The following HMCN1 variants were observed in gnomAD, a reference collection of about 807,000 sequenced individuals.
HMCN1 encodes hemicentin 1.
HMCN1 carries 321 observed loss-of-function variants against 625.9 expected under a neutral mutation model. That is an observed-to-expected ratio of 0.51 (90% CI 0.47 to 0.56). HMCN1 has a LOEUF of 0.56. Ranked by LOEUF, HMCN1 falls within the 20% of genes least tolerant of loss-of-function variation. The pLI is 0.00. For synonymous variants in HMCN1, 2,425 were observed against 2,417.6 expected, an observed-to-expected ratio of 1.00 and a Z score of -0.09; for missense variants, 6,588 against 6,887.3, an observed-to-expected ratio of 0.96 and a Z score of 1.54.
intron 1 of HMCN1, among the ~76,000 whole-genome samples, chr1:185,821,641 C>CT (rs1384520484): frequency 2.8e-4 from 43 of 151,890 alleles, no homozygotes; most frequent in Non-Finnish European, 5.3e-4. Flanking sequence ...TCTGGCTCTG[C>CT]TTTTTTAGAC....
At chr1:185,927,405 T>C (rs1301442430) in intron 9 of HMCN1, among the ~76,000 whole-genome samples, 1 of 152,192 alleles carries the variant, frequency 6.6e-6, no homozygotes, top group African/African-American at 2.4e-5. Flanking sequence ...CACTGGCATG[T>C]AGTGCCTACA....
At chr1:185,944,641 A>C (rs1668245669) in intron 11 of HMCN1, among the ~76,000 whole-genome samples, 1 of 152,198 alleles carries the variant, frequency 6.6e-6, no homozygotes, top group Non-Finnish European at 1.5e-5. Flanking sequence ...CCTTTGACTT[A>C]AACTGTGGTA....
intron 1 of HMCN1, among the ~76,000 whole-genome samples, chr1:185,810,229 G>A (rs540302104): frequency 3.9e-4 from 59 of 152,210 alleles, no homozygotes; most frequent in African/African-American, 1.4e-3. Context: ...CCATTGATCA[G>A]TGAGTTCGTA....
At position 186,055,431 on chromosome 1, in the gene HMCN1, G is replaced by A; in HGVS notation, c.6901G>A (p.Glu2301Lys). The A allele has an allele frequency of 1.2e-6, 2 of 1,612,680 alleles. No individual in the cohort carries two copies. Among genetic ancestry groups the A allele is most frequent in the Non-Finnish European group, 1.7e-6 (2 of 1,179,146 alleles). ...TITNSGSHPT[E>K]IIVTRGKSIS... ...AACCAACAGTGGCAGCCACCCTACT[G>A]AAATTATTGTGACCCGAGGGAAGAG... The change falls in exon 45 of 107, where the codon GAA (glutamate) becomes AAA (lysine). Residue 2301 changes from glutamate to lysine, a missense_variant. By Grantham distance (56) the Glu-to-Lys change is moderately conservative. Coordinates refer to ENST00000271588, the MANE Select transcript of HMCN1 (RefSeq NM_031935.3).
At chr1:186,079,389 C>A (rs1176262868) in intron 55 of HMCN1, among the ~76,000 whole-genome samples, 3 of 152,184 alleles carry the variant, frequency 2.0e-5, no homozygotes, top group Non-Finnish European at 4.4e-5. Flanking sequence ...TCTCTGGGCA[C>A]ACGCAAGCCA....
chr1:185,747,170 A>G (rs988887379), intron 1 of HMCN1, among the ~76,000 whole-genome samples: 2 of 152,122 alleles, frequency 1.3e-5, no homozygotes, highest in Non-Finnish European at 2.9e-5. Flanking sequence ...TTCTGATCAA[A>G]ATATTTGCAT....
At chr1:185,876,687 G>C (rs998615544) in intron 4 of HMCN1, among the ~76,000 whole-genome samples, 8 of 151,812 alleles carry the variant, frequency 5.3e-5, no homozygotes, top group African/African-American at 1.9e-4. Flanking sequence ...TTTTTCATAT[G>C]TTTGTTGGCC....
At position 186,041,052 on chromosome 1, in the gene HMCN1, C is replaced by G. The variant is rs200822474; in HGVS notation, c.6220C>G (p.Gln2074Glu). 13 of 1,612,794 alleles carry G rather than the reference C, an allele frequency of 8.1e-6. No homozygotes were observed. The highest frequency in any genetic ancestry group is 1.1e-5 in the Non-Finnish European group (13 of 1,179,186). Residue 2074 changes from glutamine to glutamate, a missense_variant, in exon 40 of 107, where the codon CAA becomes GAA. By Grantham distance (29) the Gln-to-Glu change is conservative. Coordinates refer to ENST00000271588, the MANE Select transcript of HMCN1 (RefSeq NM_031935.3). ...GGRILALTSA[Q>E]ISDTGRYTCV... Reference sequence around the variant, plus strand: ...TCGAATCCTAGCATTGACCAGTGCACAAATCAGCGACACAGGAAGGTACAC... The same window carrying G: ...TCGAATCCTAGCATTGACCAGTGCAGAAATCAGCGACACAGGAAGGTACAC...
chr1:185,892,308 G>A (rs535237499), intron 4 of HMCN1, among the ~76,000 whole-genome samples: 4 of 151,922 alleles, frequency 2.6e-5, no homozygotes, highest in African/African-American at 4.9e-5. Context: ...TCTTCTCTCA[G>A]CTCATCAAAG....
At chr1:185,803,568 T>C (rs1658966004) in intron 1 of HMCN1, among the ~76,000 whole-genome samples, 1 of 152,078 alleles carries the variant, frequency 6.6e-6, no homozygotes, top group Non-Finnish European at 1.5e-5. Flanking sequence ...ACAAAAGATA[T>C]TCTTTCAACA....
chr1:186,058,198 C>T (rs1657469064), intron 46 of HMCN1, among the ~76,000 whole-genome samples: 1 of 151,922 alleles, frequency 6.6e-6, no homozygotes, highest in Non-Finnish European at 1.5e-5. Context: ...TTTATGATCT[C>T]TTTGCACTTA....
intron 1 of HMCN1, among the ~76,000 whole-genome samples, chr1:185,797,737 C>T (rs920462732): frequency 3.1e-5 from 4 of 128,354 alleles, no homozygotes; most frequent in African/African-American, 5.0e-5. Context: ...GAGGCCGAGG[C>T]GGGCGGATCA....
At position 186,087,412 on chromosome 1, in the gene HMCN1, A is replaced by C. The variant is rs752745962; in HGVS notation, c.9161-31A>C. ...TTCTATCTGAGCACCTTAATGAAAA[A>C]GAAAATCCTTCTGTTATTTTCTTCC... On this transcript the variant is annotated intron_variant, in intron 59 of 106. Coordinates refer to ENST00000271588, the MANE Select transcript of HMCN1 (RefSeq NM_031935.3). 10 of 1,610,364 alleles carry C rather than the reference A, an allele frequency of 6.2e-6. 1 individual carries two copies. Among genetic ancestry groups the C allele is most frequent in the Middle Eastern group, 1.7e-4 (1 of 6,046 alleles).
intron 1 of HMCN1, among the ~76,000 whole-genome samples, chr1:185,759,151 G>T (rs1655323113): frequency 6.6e-6 from 1 of 152,160 alleles, no homozygotes; most frequent in Admixed American, 6.5e-5. Flanking sequence ...TGCTGTCTGT[G>T]ATTATAAACA....
chr1:185,932,874 A>G (rs890555440), intron 10 of HMCN1, among the ~76,000 whole-genome samples: 2 of 152,310 alleles, frequency 1.3e-5, no homozygotes, highest in East Asian at 3.9e-4. Context: ...TAACTAGAGA[A>G]ACATGTGATT....
chr1:185,976,085 A>T (rs2101985454), intron 15 of HMCN1, among the ~76,000 whole-genome samples: 1 of 152,332 alleles, frequency 6.6e-6, no homozygotes. Flanking sequence ...GTCTAACAAC[A>T]GGTTGAATGT....
At chr1:186,103,700 G>A (rs1329225417) in intron 69 of HMCN1, 32 bp downstream of exon 69, 1 of 1,589,052 alleles carries the variant, frequency 6.3e-7, no homozygotes, top group African/African-American at 1.3e-5. Context: ...ATTATTTTAG[G>A]TTAGGTCAAA....
chr1:185,981,994 T>C (rs950216194), intron 17 of HMCN1, among the ~76,000 whole-genome samples: 2 of 152,238 alleles, frequency 1.3e-5, no homozygotes, highest in Admixed American at 1.3e-4. Flanking sequence ...TATCTTGGCT[T>C]GACATTTCAG....
chr1:186,082,825 A>T, intron 56 of HMCN1, 40 bp from the exon 57 acceptor site: 1 of 1,181,980 alleles, frequency 8.5e-7, no homozygotes, highest in African/African-American at 1.5e-5. Context: ...AAGTTGCTTT[A>T]TTCAAAATTT....
Sources: gnomAD v4.1 joint callset for allele counts (sites outside exome capture counted in the v4.1 genomes callset) on GRCh38, gnomAD v4.1.1 for gene constraint, MANE v1.5 for transcripts, NCBI Gene and HGNC (gene_info 2026-07-23, HGNC 2026-07-21) for gene names.